FAM135B: variants seen among roughly 807,000 people sequenced by gnomAD.
The protein encoded by FAM135B is protein FAM135B.
In FAM135B, 43 loss-of-function variants were observed where a neutral mutation model predicts 127.7. That is an observed-to-expected ratio of 0.34 (90% CI 0.26 to 0.43). The LOEUF (loss-of-function observed/expected upper bound fraction) is 0.43. Ranked by LOEUF, FAM135B falls within the 20% of genes least tolerant of loss-of-function variation. The pLI is 1.00. For synonymous variants in FAM135B, 670 were observed against 665.1 expected, an observed-to-expected ratio of 1.01 and a Z score of -0.11; for missense variants, 1,558 against 1,725.6, an observed-to-expected ratio of 0.90 and a Z score of 1.72.
chr8:138,279,548 T>C (rs1824099155), intron 3 of FAM135B, among the ~76,000 whole-genome samples: 2 of 152,264 alleles, frequency 1.3e-5, no homozygotes, highest in Admixed American at 6.5e-5. Context: ...GATCTTTATT[T>C]AAGTTCAGGC....
intron 3 of FAM135B, among the ~76,000 whole-genome samples, chr8:138,290,965 G>T (rs1323036655): frequency 3.9e-5 from 6 of 152,292 alleles, no homozygotes; most frequent in Admixed American, 2.6e-4. Context: ...CTCCTGCCCA[G>T]TTCTCACTAT....
At chr8:138,315,302 C>A (rs1826998847) in intron 2 of FAM135B, among the ~76,000 whole-genome samples, 1 of 151,970 alleles carries the variant, frequency 6.6e-6, no homozygotes, top group African/African-American at 2.4e-5. Flanking sequence ...GTTATCATGA[C>A]AAAGACAAGA....
intron 3 of FAM135B, among the ~76,000 whole-genome samples, chr8:138,266,069 T>G (rs1472638739): frequency 2.0e-5 from 3 of 152,170 alleles, no homozygotes; most frequent in Non-Finnish European, 4.4e-5. Context: ...AGCGATAAAA[T>G]CTTGGCTAAG....
chr8:138,419,889 C>T (rs113818745), intron 1 of FAM135B, among the ~76,000 whole-genome samples: 68 of 152,138 alleles, frequency 4.5e-4, no homozygotes, highest in African/African-American at 1.5e-3. Context: ...CATCAAGTTA[C>T]AGAAAGGTCT....
chr8:138,241,674 G>A lies in FAM135B; in HGVS notation c.669+1268C>T, dbSNP rs954071361. The stretch of plus-strand genomic sequence containing the variant: ...CTCTTTTGCGGGGCTGACTGGGCAT[G>A]GACAGTTTATCACACTTATAATGTG... On this transcript the variant is annotated intron_variant, in intron 7 of 19. Coordinates refer to ENST00000395297, the MANE Select transcript of FAM135B (RefSeq NM_015912.4). This position sits in a 1 kb window ranked among gnomAD's most constrained non-coding sequence, Gnocchi z 4.8. 6.6e-6 allele frequency among the ~76,000 whole-genome samples: 1 copy of A among 152,146 alleles called. No individual in the cohort carries two copies. Among genetic ancestry groups the A allele is most frequent in the African/African-American group, 2.4e-5 (1 of 41,440 alleles).
At chr8:138,263,984 G>A (rs1822728319) in intron 4 of FAM135B, among the ~76,000 whole-genome samples, 1 of 152,118 alleles carries the variant, frequency 6.6e-6, no homozygotes, top group African/African-American at 2.4e-5. Flanking sequence ...GATTTCTATT[G>A]CCCAAGAATA....
chr8:138,484,787 A>G (rs1489031430), intron 1 of FAM135B, among the ~76,000 whole-genome samples: 9 of 152,208 alleles, frequency 5.9e-5, no homozygotes, highest in Admixed American at 5.9e-4. Context: ...GTTATTCAGA[A>G]GCAATTATAT....
At chr8:138,340,124 GA>G (rs1161026914) in intron 2 of FAM135B, among the ~76,000 whole-genome samples, 13 of 152,306 alleles carry the variant, frequency 8.5e-5, no homozygotes, top group African/African-American at 3.1e-4. Flanking sequence ...GCAGGTCACA[GA>G]AAAGTCTGGA....
At chr8:138,381,161 A>C (rs1020927941) in intron 1 of FAM135B, among the ~76,000 whole-genome samples, 1 of 152,146 alleles carries the variant, frequency 6.6e-6, no homozygotes, top group Non-Finnish European at 1.5e-5. Context: ...ATCATAATCT[A>C]AATCCTTAGC....
At chr8:138,304,519 C>A (rs2130860759) in intron 3 of FAM135B, among the ~76,000 whole-genome samples, 1 of 152,306 alleles carries the variant, frequency 6.6e-6, no homozygotes, top group East Asian at 1.9e-4. Flanking sequence ...CTTAGACCAC[C>A]TGGTCGTTGA....
chr8:138,134,500 T>C lies in FAM135B; in HGVS notation c.4016-1702A>G, dbSNP rs1010866315. ...GCAATCACTGGTATATTTTTTAACA[T>C]TTATAGCAAACTCTTATATGTTTTC... On this transcript the variant is annotated intron_variant, in intron 19 of 19. Transcript: ENST00000395297. Among the ~76,000 whole-genome samples, 3 of 152,206 alleles carry C rather than the reference T, an allele frequency of 2.0e-5. No individual in the cohort carries two copies. In the South Asian group the frequency reaches 6.2e-4, roughly 31 times the overall value.
At chr8:138,394,383 A>G (rs534931312) in intron 1 of FAM135B, among the ~76,000 whole-genome samples, 15 of 152,288 alleles carry the variant, frequency 9.8e-5, no homozygotes, top group African/African-American at 3.6e-4. Context: ...TTCTGAGAGC[A>G]GTCACTCTTC....
intron 7 of FAM135B, among the ~76,000 whole-genome samples, chr8:138,240,026 A>G (rs1820617501): frequency 6.6e-6 from 1 of 152,012 alleles, no homozygotes; most frequent in African/African-American, 2.4e-5. Flanking sequence ...GAGGGATAGC[A>G]TTAGGAGATA....
chr8:138,426,005 AT>A, intron 1 of FAM135B, among the ~76,000 whole-genome samples: 1 of 18,192 alleles, frequency 5.5e-5, no homozygotes, highest in Non-Finnish European at 1.0e-4. Context: ...ATATATATAT[AT>A]ATATATACAC....
At chr8:138,154,030 A>T (rs563196799) in intron 12 of FAM135B, among the ~76,000 whole-genome samples, 5 of 152,092 alleles carry the variant, frequency 3.3e-5, no homozygotes, top group Non-Finnish European at 5.9e-5. Context: ...ACTAGGAGAC[A>T]CCTCCCAGTA....
intron 2 of FAM135B, among the ~76,000 whole-genome samples, chr8:138,338,927 G>T (rs1828824203): frequency 6.6e-6 from 1 of 152,012 alleles, no homozygotes; most frequent in South Asian, 2.1e-4. Flanking sequence ...ATACTATGCA[G>T]CCATAAAAAA....
chr8:138,426,499 G>A (rs1430548130), intron 1 of FAM135B, among the ~76,000 whole-genome samples: 1 of 150,548 alleles, frequency 6.6e-6, no homozygotes. Flanking sequence ...ATACACATAT[G>A]TATACTATAT....
chr8:138,267,953 G>T (rs559873539), intron 3 of FAM135B, among the ~76,000 whole-genome samples: 6 of 152,226 alleles, frequency 3.9e-5, no homozygotes, highest in African/African-American at 1.4e-4. Context: ...CTCTATCACT[G>T]TCTAGGCCCC....
intron 3 of FAM135B, among the ~76,000 whole-genome samples, chr8:138,291,170 G>C (rs1006685369): frequency 2.6e-5 from 4 of 152,188 alleles, no homozygotes. Context: ...CAAACAGGTT[G>C]ACTGAAAACT....
Sources: allele counts gnomAD v4.1 joint callset (sites outside exome capture counted in the v4.1 genomes callset), GRCh38; gene constraint gnomAD v4.1.1; non-coding constraint Gnocchi (gnomAD v3.1); transcripts MANE v1.5; gene names NCBI Gene and HGNC (gene_info 2026-07-23, HGNC 2026-07-21).